PAAF1: variants seen among roughly 807,000 people sequenced by gnomAD.
PAAF1 encodes the protein proteasomal ATPase associated factor 1.
In PAAF1, 46 loss-of-function variants were observed where a neutral mutation model predicts 52.8. The ratio of observed to expected loss-of-function variants is 0.87; its 90% CI spans 0.69 to 1.11. The LOEUF (loss-of-function observed/expected upper bound fraction) is 1.11, where lower values mean the gene tolerates loss of function less well. Among genes scored for constraint, PAAF1 ranks in the 50% most tolerant of loss-of-function variants. PAAF1 has a pLI of 0.00. For missense variants in PAAF1, 424 were observed against 477.4 expected (o/e 0.89, Z 1.04); for synonymous variants, 178 against 172.8 (o/e 1.03, Z -0.24).
At chr11:73,922,736 G>C (rs960055347) in intron 10 of PAAF1, among the ~76,000 whole-genome samples, 1 of 149,128 alleles carries the variant, frequency 6.7e-6, no homozygotes, top group African/African-American at 2.5e-5. Context: ...AGAATGGCGT[G>C]AACCTGGGAA....
rs1270511188 is a variant in PAAF1, at chr11:73,900,294, G to C, written c.406G>C (p.Asp136His). Residue 136 changes from aspartate to histidine, a missense_variant, in exon 6 of 12, where the codon GAT (aspartate) becomes CAT (histidine). Physicochemically the swap from Asp to His is moderately conservative, Grantham distance 81 (BLOSUM62 -1). Transcript: ENST00000310571. ...GAGAGTATTGGAAGGACATGTGTTT[G>C]ATGTGAATTGTTGCAGGTTTTTCCC... The part of the protein sequence containing the change: ...LRRVLEGHVF[D>H]VNCCRFFPSG... 1 of 1,610,866 alleles carries C rather than the reference G, an allele frequency of 6.2e-7. No homozygotes were observed. The highest frequency in any genetic ancestry group is 1.7e-5 in the Admixed American group (1 of 59,394).
chr11:73,914,177 C>T (rs1950003782), intron 7 of PAAF1, among the ~76,000 whole-genome samples: 1 of 152,174 alleles, frequency 6.6e-6, no homozygotes, highest in African/African-American at 2.4e-5. Context: ...CATTAAAAAA[C>T]ATTTTTAAAA....
intron 1 of PAAF1, among the ~76,000 whole-genome samples, chr11:73,878,257 G>A (rs73541941): frequency 0.013 from 1,904 of 152,286 alleles, 46 homozygotes; most frequent in African/African-American, 0.044. Context: ...GGCTTAATTT[G>A]CCCAAGATCA....
At chr11:73,925,138 C>A in intron 11 of PAAF1, among the ~76,000 whole-genome samples, 1 of 133,120 alleles carries the variant, frequency 7.5e-6, no homozygotes. Flanking sequence ...GCCTGGGCAA[C>A]AGAGTGAGAC....
chr11:73,893,660 G>A (rs756965578), intron 4 of PAAF1, among the ~76,000 whole-genome samples: 16 of 147,280 alleles, frequency 1.1e-4, no homozygotes, highest in African/African-American at 2.5e-4. Context: ...TCGCTTGAAC[G>A]CGGGAGGCAG....
rs1386688609 is a variant in PAAF1, at chr11:73,927,454, C to T, written c.*92C>T. On this transcript the variant is annotated 3_prime_UTR_variant, in exon 12 of 12. Coordinates refer to ENST00000310571, the MANE Select transcript of PAAF1 (RefSeq NM_025155.3). ...CATCAGTCCTTCCCAAGGACCATGG[C>T]GTTTAATGTCTTGGGCACCCCTTGG... is the stretch of plus-strand genomic sequence containing the variant. 3.3e-5 allele frequency: 36 copies of T among 1,079,042 alleles called. No homozygotes were observed. Among genetic ancestry groups the T allele is most frequent in the Non-Finnish European group, 4.9e-5 (35 of 714,508 alleles). The allele number at this position is 1,079,042 out of a possible 1,614,324, so 66.8% of individuals were successfully genotyped here.
intron 2 of PAAF1, among the ~76,000 whole-genome samples, chr11:73,884,724 C>T (rs965783066): frequency 1.3e-5 from 2 of 152,204 alleles, no homozygotes; most frequent in African/African-American, 2.4e-5. Flanking sequence ...ACTAGGTCTT[C>T]TCTAGGCCAA....
intron 2 of PAAF1, among the ~76,000 whole-genome samples, chr11:73,881,208 AAG>A (rs1411057050): frequency 6.6e-6 from 1 of 152,172 alleles, no homozygotes; most frequent in East Asian, 1.9e-4. Flanking sequence ...AAAGCAATCT[AAG>A]AGCAAAACAT....
At chr11:73,899,013 CA>C (rs1949515656) in intron 4 of PAAF1, 132 bp from the exon 5 acceptor site, 1 of 639,186 alleles carries the variant, frequency 1.6e-6, no homozygotes, top group Non-Finnish European at 2.6e-6. Flanking sequence ...ACATCAAACA[CA>C]AGTCCTTTTG....
chr11:73,893,468 G>T (rs1407529781), intron 4 of PAAF1, among the ~76,000 whole-genome samples: 13 of 152,140 alleles, frequency 8.5e-5, no homozygotes, highest in Non-Finnish European at 1.5e-5. Context: ...TGGGCGCAGT[G>T]GCTCATGCCT....
At chr11:73,925,715 C>T (rs766408128) in intron 11 of PAAF1, among the ~76,000 whole-genome samples, 6 of 151,972 alleles carry the variant, frequency 3.9e-5, no homozygotes, top group South Asian at 2.1e-4. Flanking sequence ...GTTTTATATA[C>T]GTTATCTCAT....
chr11:73,923,758 C>G (rs1232502972), intron 10 of PAAF1, among the ~76,000 whole-genome samples: 1 of 152,068 alleles, frequency 6.6e-6, no homozygotes, highest in Non-Finnish European at 1.5e-5. Context: ...CCTTATTAAG[C>G]AGTTTATAGA....
At chr11:73,924,895 G>A (rs1950310692) in intron 11 of PAAF1, among the ~76,000 whole-genome samples, 198 bp downstream of exon 11, 1 of 152,072 alleles carries the variant, frequency 6.6e-6, no homozygotes, top group South Asian at 2.1e-4. Context: ...GCTCACGCCT[G>A]TAATCCCAGT....
intron 4 of PAAF1, among the ~76,000 whole-genome samples, chr11:73,894,814 ACT>A (rs1158434554): frequency 6.6e-6 from 1 of 151,970 alleles, no homozygotes; most frequent in Non-Finnish European, 1.5e-5. Context: ...ACTGAGCAAG[ACT>A]CTGTCTCAAA....
intron 2 of PAAF1, among the ~76,000 whole-genome samples, chr11:73,882,435 A>ATTATTTAT (rs754294044): frequency 1.5e-5 from 2 of 137,028 alleles, no homozygotes; most frequent in African/African-American, 5.5e-5. Flanking sequence ...TTTTATTTTT[A>ATTATTTAT]TTATTTATTT....
chr11:73,895,831 G>T (rs1337984993), intron 4 of PAAF1, among the ~76,000 whole-genome samples: 1 of 152,234 alleles, frequency 6.6e-6, no homozygotes, highest in Non-Finnish European at 1.5e-5. Context: ...GTGAGGCTGG[G>T]CGCGGTGGCT....
At chr11:73,902,858 G>A (rs1387536811) in intron 6 of PAAF1, among the ~76,000 whole-genome samples, 3 of 152,044 alleles carry the variant, frequency 2.0e-5, no homozygotes, top group East Asian at 1.9e-4. Flanking sequence ...CACCATGCCC[G>A]GCTAATTTTT....
At chr11:73,925,208 GCA>G (rs1950321534) in intron 11 of PAAF1, among the ~76,000 whole-genome samples, 1 of 144,068 alleles carries the variant, frequency 6.9e-6, no homozygotes, top group African/African-American at 2.6e-5. Context: ...TGTAACCCCA[GCA>G]CTTTTGGAGG....
intron 7 of PAAF1, among the ~76,000 whole-genome samples, chr11:73,912,701 A>C (rs35123949): frequency 0.057 from 8,607 of 152,180 alleles, 275 homozygotes; most frequent in Middle Eastern, 0.099. Flanking sequence ...TCCCTTTATA[A>C]ATATGTTGAA....
Sources: allele counts gnomAD v4.1 joint callset (sites outside exome capture counted in the v4.1 genomes callset), GRCh38; gene constraint gnomAD v4.1.1; transcripts MANE v1.5; gene names NCBI Gene and HGNC (gene_info 2026-07-23, HGNC 2026-07-21).